The following GLT8D1 variants were observed in gnomAD, a reference collection of about 807,000 sequenced individuals.
The protein encoded by GLT8D1 is glycosyltransferase 8 domain containing 1.
GLT8D1 carries 41 observed loss-of-function variants against 46.2 expected under a neutral mutation model. The observed-to-expected ratio is 0.89, with a 90% CI of 0.69 to 1.15. GLT8D1 has a LOEUF of 1.15. GLT8D1 is among the 50% of genes most tolerant of loss of function. The pLI is 0.00. For synonymous variants in GLT8D1, 150 were observed against 154.2 expected (o/e 0.97, Z 0.20); for missense variants, 408 against 449.3 (o/e 0.91, Z 0.83).
chr3:52,698,032 T>C (rs1437675127), intron 3 of GLT8D1, 98 bp from the exon 4 acceptor site: 4 of 735,810 alleles, frequency 5.4e-6, no homozygotes, highest in African/African-American at 5.2e-5. Flanking sequence ...ATGGTACTGA[T>C]CTACCTCATT....
In GLT8D1 at chr3:52,694,855, T is replaced by G; in HGVS notation, c.1106A>C (p.Asn369Thr). The G allele has an allele frequency of 1.2e-6, 2 of 1,608,052 alleles. No individual in the cohort carries two copies. Among genetic ancestry groups the G allele is most frequent in the Non-Finnish European group, 1.7e-6 (2 of 1,174,422 alleles). Residue 369 changes from asparagine (N) to threonine (T), a missense_variant, in exon 10 of 10, where the codon AAC (asparagine) becomes ACC (threonine). By Grantham distance (65) the Asn-to-Thr change is moderately conservative (BLOSUM62 0). Transcript: ENST00000266014. ...AGTTCAAATTCTGTTTCACTTTATG[T>G]TTGAGATCTCGGTATATCTTCGGAT... ...NLIRRYTEIS[N>T]IK is the part of the protein sequence containing the mutation.
At chr3:52,701,362 G>C (rs2097339226) in intron 1 of GLT8D1, 1 of 139,290 alleles carries the variant, frequency 7.2e-6, no homozygotes, top group South Asian at 2.2e-4. Flanking sequence ...AAAAAAAAAA[G>C]GTTTATTTTA....
At chr3:52,701,602 C>T (rs2097339462) in intron 1 of GLT8D1, among the ~76,000 whole-genome samples, 1 of 152,058 alleles carries the variant, frequency 6.6e-6, no homozygotes, top group Non-Finnish European at 1.5e-5. Flanking sequence ...CTCCTGACTT[C>T]GTGATCTGCC....
In GLT8D1 at chr3:52,694,499, G is replaced by C; in HGVS notation, c.*346C>G. The C allele has an allele frequency of 1.7e-6, 1 of 576,702 alleles. No individual in the cohort carries two copies. Among genetic ancestry groups the C allele is most frequent in the South Asian group, 2.3e-5 (1 of 43,976 alleles). 35.7% of individuals were successfully genotyped at this position (576,702 alleles called of 1,614,324 possible). The stretch of plus-strand genomic sequence containing the variant: ...AAAAAGAAGATACCTATTGAAAAAT[G>C]TAAGTTTTATTTACAGATCAGGCCA... On this transcript the variant is annotated 3_prime_UTR_variant, in exon 10 of 10. Coordinates refer to ENST00000266014, the MANE Select transcript of GLT8D1 (RefSeq NM_018446.4).
Position 52,701,606 on chromosome 3 carries a change from A to T in GLT8D1, c.-36-1110T>A, listed in dbSNP as rs6788060. 8.1e-3 allele frequency among the ~76,000 whole-genome samples: 1,236 copies of T among 152,272 alleles called. 24 individuals are homozygous for T. Among genetic ancestry groups the T allele is most frequent in the African/African-American group, 0.028 (1,179 of 41,558 alleles). ...CTGGTCTCGAACTCCTGACTTCGTGATCTGCCCACCTCAGCCTCCCAAAGT... is the reference window on the plus strand; with the variant it reads ...CTGGTCTCGAACTCCTGACTTCGTGTTCTGCCCACCTCAGCCTCCCAAAGT... On this transcript the variant is annotated intron_variant, in intron 1 of 9. Transcript: ENST00000266014.
Position 52,702,789 on chromosome 3 carries a change from CT to C in GLT8D1, c.-36-2294del, listed in dbSNP as rs759588335. 1.9e-3 allele frequency among the ~76,000 whole-genome samples: 262 copies of C among 139,436 alleles called. 4 individuals carry two copies. Among genetic ancestry groups the C allele is most frequent in the East Asian group, 0.011 (52 of 4,824 alleles). The allele number at this position is 139,436 out of a possible 152,430, so 91.5% of individuals were successfully genotyped here. A position where few individuals can be genotyped will look rare whatever the true frequency, so the allele number is the denominator to read the frequency against. ...GAAAATACACATCTTTCTTTCTTTC[CT>C]TTTTTTTTTTTTTCGAGACAGAGTC... is the stretch of plus-strand genomic sequence containing the variant. On this transcript the variant is annotated intron_variant, in intron 1 of 9. Coordinates refer to ENST00000266014, the MANE Select transcript of GLT8D1 (RefSeq NM_018446.4).
At chr3:52,704,867 T>A (rs1182994373) in intron 1 of GLT8D1, 1 of 152,318 alleles carries the variant, frequency 6.6e-6, no homozygotes, top group East Asian at 1.9e-4. Flanking sequence ...ATTTCTGGCG[T>A]GATGTGGCTG....
intron 3 of GLT8D1, among the ~76,000 whole-genome samples, chr3:52,698,687 A>G (rs1307616425): frequency 2.0e-5 from 3 of 152,108 alleles, no homozygotes; most frequent in Non-Finnish European, 4.4e-5. Flanking sequence ...ATCTCAAAAA[A>G]AAAAAAAGAA....
intron 8 of GLT8D1, 21 bp from the exon 9 acceptor site, chr3:52,695,323 ATGTT>A (rs756963723): frequency 1.9e-6 from 3 of 1,597,268 alleles, no homozygotes; most frequent in Admixed American, 1.7e-5. Context: ...CAGAAAACAA[ATGTT>A]TGTTAGTGAA....
intron 3 of GLT8D1, among the ~76,000 whole-genome samples, chr3:52,698,681 CA>C (rs370719829): frequency 1.9e-3 from 213 of 115,020 alleles, no homozygotes; most frequent in Middle Eastern, 4.4e-3. Flanking sequence ...AACTCCATCT[CA>C]AAAAAAAAAA....
Position 52,694,945 on chromosome 3 carries a change from G to GTCCT in GLT8D1, c.1012_1015dup (p.Thr339LysfsTer7). On this transcript the variant is annotated frameshift_variant, in exon 10 of 10. Coordinates refer to ENST00000266014, the MANE Select transcript of GLT8D1 (RefSeq NM_018446.4). LOFTEE classifies it high-confidence loss of function. ...TTCCCAAACATCAGTATATGAAGCAGTCCTTCCCCATGGCTTCAAATGTCC... is the reference window on the plus strand; with the variant it reads ...TTCCCAAACATCAGTATATGAAGCAGTCCTTCCTTCCCCATGGCTTCAAATGTCC... 1 of 1,608,310 alleles carries GTCCT rather than the reference G, an allele frequency of 6.2e-7. No individual in the cohort carries two copies. Among genetic ancestry groups the GTCCT allele is most frequent in the Non-Finnish European group, 8.5e-7 (1 of 1,174,674 alleles).
chr3:52,705,276 C>A (rs2097343043), intron 1 of GLT8D1, 171 bp downstream of exon 1: 1 of 152,408 alleles, frequency 6.6e-6, no homozygotes, highest in South Asian at 2.1e-4. Context: ...TCAGTAAAGC[C>A]GGCCACAATG....
intron 3 of GLT8D1, 64 bp from the exon 4 acceptor site, chr3:52,697,998 A>T: frequency 1.0e-6 from 1 of 1,002,210 alleles, no homozygotes; most frequent in Non-Finnish European, 1.6e-6. Context: ...AGTCCAAGAC[A>T]TGGAAAAAGG....
chr3:52,697,890 C>T lies in GLT8D1; in HGVS notation c.160G>A (p.Ala54Thr). The change falls in exon 4 of 10, where the codon GCT (alanine) becomes ACT (threonine). Residue 54 changes from alanine (A) to threonine (T), a missense_variant. Ala to Thr is a moderately conservative substitution (Grantham distance 58, BLOSUM62 0). Transcript: ENST00000266014. The part of the protein sequence containing the change: ...GPQPIDFVPN[A>T]LRHAVDGRQE... ...CTCCCATCTACTGCATGTCGGAGAG[C>T]ATTTGGGACAAAGTCTATAGGTTGA... 6.2e-7 allele frequency: 1 copy of T among 1,613,626 alleles called. No homozygotes were observed. The highest frequency in any genetic ancestry group is 8.5e-7 in the Non-Finnish European group (1 of 1,179,560).
chr3:52,698,521 A>G (rs2097336315), intron 3 of GLT8D1, among the ~76,000 whole-genome samples: 1 of 152,080 alleles, frequency 6.6e-6, no homozygotes, highest in Non-Finnish European at 1.5e-5. Flanking sequence ...ATCTCTACTA[A>G]AAATACAAAA....
rs151239843 is a variant in GLT8D1, at chr3:52,698,382, A to G, written c.116-448T>C. On this transcript the variant is annotated intron_variant, in intron 3 of 9. Coordinates refer to ENST00000266014, the MANE Select transcript of GLT8D1 (RefSeq NM_018446.4). ...ATACAGAAAAAGTTTCTGGATTGCAATAGAAAACTGAAATAGAGGCCGGGC... is the reference window on the plus strand; with the variant it reads ...ATACAGAAAAAGTTTCTGGATTGCAGTAGAAAACTGAAATAGAGGCCGGGC... Among the ~76,000 whole-genome samples the G allele has an allele frequency of 4.0e-3, 614 of 152,326 alleles. 3 individuals are homozygous for G. Among genetic ancestry groups the G allele is most frequent in the South Asian group, 0.023 (110 of 4,828 alleles).
At chr3:52,695,726 A>G in intron 7 of GLT8D1, 139 bp from the exon 8 acceptor site, 1 of 648,398 alleles carries the variant, frequency 1.5e-6, no homozygotes, top group South Asian at 2.0e-5. Flanking sequence ...TTAGAATAGG[A>G]ACCTAGATGT....
In GLT8D1 at chr3:52,700,248, A is replaced by G; in HGVS notation, c.115+14T>C. ...CAACAGATTCTAAGGCATTATTAATAAGTGCTCGCATACCTGTAACCTCAT... is the reference window on the plus strand; with the variant it reads ...CAACAGATTCTAAGGCATTATTAATGAGTGCTCGCATACCTGTAACCTCAT... On this transcript the variant is annotated intron_variant, in intron 3 of 9. Coordinates refer to ENST00000266014, the MANE Select transcript of GLT8D1 (RefSeq NM_018446.4). 6.5e-7 allele frequency: 1 copy of G among 1,533,778 alleles called. No individual in the cohort carries two copies. Among genetic ancestry groups the G allele is most frequent in the Non-Finnish European group, 9.0e-7 (1 of 1,112,790 alleles).
rs554170322 is a variant in GLT8D1 at position 52,694,885 on chromosome 3, T to C, written c.1076A>G (p.Asn359Ser). The C allele has an allele frequency of 8.1e-6, 13 of 1,612,548 alleles. No homozygotes were observed. Among genetic ancestry groups the C allele is most frequent in the Admixed American group, 5.0e-5 (3 of 60,034 alleles). ...GATCTCGGTATATCTTCGGATTAGG[T>C]TGAATTTGCCTGTTGGGTCTGGAAT... ...WYIPDPTGKFNLIRRYTEISN... is the reference protein window; with the variant it reads ...WYIPDPTGKFSLIRRYTEISN... Residue 359 changes from asparagine (N) to serine (S), a missense_variant, in exon 10 of 10, where the codon AAC (asparagine) becomes AGC (serine). By Grantham distance (46) the Asn-to-Ser change is conservative. Transcript: ENST00000266014.
Sources: allele counts gnomAD v4.1 joint callset (sites outside exome capture counted in the v4.1 genomes callset), GRCh38; gene constraint gnomAD v4.1.1; transcripts MANE v1.5; gene names NCBI Gene and HGNC (gene_info 2026-07-23, HGNC 2026-07-21).